The following CFAP77 variants were observed in gnomAD, a reference collection of about 807,000 sequenced individuals.
CFAP77 encodes the protein cilia and flagella associated protein 77.
A neutral mutation model predicts 31.1 loss-of-function variants in CFAP77; 25 were observed. The observed-to-expected ratio is 0.80, with a 90% CI of 0.59 to 1.12. CFAP77 has a LOEUF of 1.12. Ranked by LOEUF, CFAP77 falls within the 50% of genes most tolerant of loss-of-function variation. The probability of loss-of-function intolerance (pLI) is 0.00; values close to 1 mark genes in which losing one functional copy is unlikely to be tolerated. For missense variants in CFAP77, 377 were observed against 397.3 expected, an observed-to-expected ratio of 0.95 and a Z score of 0.44; for synonymous variants, 151 against 159.9, an observed-to-expected ratio of 0.94 and a Z score of 0.42.
At chr9:132,439,916 C>T (rs1049025722) in intron 1 of CFAP77, among the ~76,000 whole-genome samples, 4 of 151,652 alleles carry the variant, frequency 2.6e-5, no homozygotes, top group Admixed American at 1.3e-4. Context: ...TCTTATTCCT[C>T]GATCCTATGG....
At position 132,490,251 on chromosome 9, in the gene CFAP77, T is replaced by C. The variant is rs1469345816; in HGVS notation, c.196-8444T>C. Among the ~76,000 whole-genome samples, 1 of 152,132 alleles carries C rather than the reference T, an allele frequency of 6.6e-6. No individual in the cohort carries two copies. The highest frequency in any genetic ancestry group is 2.4e-5 in the African/African-American group (1 of 41,412). On this transcript the variant is annotated intron_variant, in intron 1 of 5. Transcript: ENST00000393216. This position sits in a 1 kb window ranked among gnomAD's most constrained non-coding sequence, Gnocchi z 4.6. ...TAAAGGCCACACCCCTGAATACTGTTGCATTGGGATTAAGTTTCAGCATGA... is the reference window on the plus strand; with the variant it reads ...TAAAGGCCACACCCCTGAATACTGTCGCATTGGGATTAAGTTTCAGCATGA...
At chr9:132,553,984 A>G (rs926428190) in intron 5 of CFAP77, among the ~76,000 whole-genome samples, 2 of 152,238 alleles carry the variant, frequency 1.3e-5, no homozygotes, top group Admixed American at 6.5e-5. Context: ...ACAAGCCACC[A>G]TGTCTTCAAT....
At chr9:132,518,460 C>T (rs1298872442) in intron 3 of CFAP77, among the ~76,000 whole-genome samples, 2 of 152,166 alleles carry the variant, frequency 1.3e-5, no homozygotes, top group African/African-American at 2.4e-5. Context: ...GGCTACTCTG[C>T]ATCCCTGAGC....
intron 1 of CFAP77, among the ~76,000 whole-genome samples, chr9:132,446,397 G>A (rs904041574): frequency 2.0e-5 from 3 of 151,586 alleles, no homozygotes; most frequent in Middle Eastern, 3.4e-3. Context: ...CCGATAGATC[G>A]CGTGTAGTGC....
At chr9:132,448,949 C>T (rs1316678404) in intron 1 of CFAP77, among the ~76,000 whole-genome samples, 1 of 152,032 alleles carries the variant, frequency 6.6e-6, no homozygotes, top group Non-Finnish European at 1.5e-5. Context: ...AAGGACCGTG[C>T]CTCTAGAATA....
intron 3 of CFAP77, among the ~76,000 whole-genome samples, chr9:132,510,746 G>A (rs916852958): frequency 2.0e-5 from 3 of 152,162 alleles, no homozygotes; most frequent in East Asian, 1.9e-4. Flanking sequence ...CATCAGTCCC[G>A]TCGGAGGCCA....
intron 1 of CFAP77, among the ~76,000 whole-genome samples, chr9:132,416,329 A>ATTTTTTTTTTTTTTTTTTTTTTTTT (rs71503303): frequency 1.7e-5 from 1 of 60,274 alleles, no homozygotes; most frequent in Admixed American, 2.7e-4. Context: ...TTCTTATCTG[A>ATTTTTTTTTTTTTTTTTTTTTTTTT]TTTTTTTTTT....
intron 5 of CFAP77, among the ~76,000 whole-genome samples, chr9:132,555,989 C>A (rs1249260234): frequency 6.6e-6 from 1 of 151,946 alleles, no homozygotes. Flanking sequence ...ACTCAGGTTC[C>A]GCGCACAGAT....
chr9:132,473,975 G>A (rs1172042350), intron 1 of CFAP77, among the ~76,000 whole-genome samples: 3 of 152,262 alleles, frequency 2.0e-5, no homozygotes, highest in East Asian at 3.9e-4. Context: ...GAGCCACCGC[G>A]CCTGGGCTGA....
chr9:132,539,230 G>A lies in CFAP77; in HGVS notation c.630+1524G>A, dbSNP rs1230011958. Reference sequence around the variant, plus strand: ...GATGGTAAAATCAGAATCACTCTATGTTCACACAGTACTTTATAGACTTCA... The same window carrying A: ...GATGGTAAAATCAGAATCACTCTATATTCACACAGTACTTTATAGACTTCA... On this transcript the variant is annotated intron_variant, in intron 4 of 5. Transcript: ENST00000393216. The surrounding 1 kb of genome is among the most constrained non-coding windows in gnomAD (Gnocchi z 4.3). Among the ~76,000 whole-genome samples the A allele has an allele frequency of 6.6e-6, 1 of 152,212 alleles. No individual in the cohort carries two copies. Among genetic ancestry groups the A allele is most frequent in the African/African-American group, 2.4e-5 (1 of 41,438 alleles).
intron 1 of CFAP77, among the ~76,000 whole-genome samples, chr9:132,439,772 C>A (rs1036787976): frequency 2.0e-5 from 3 of 151,290 alleles, no homozygotes; most frequent in Non-Finnish European, 4.4e-5. Flanking sequence ...TGGCGTGAAC[C>A]CGGGAGGCGG....
chr9:132,494,240 A>G (rs1012125536), intron 1 of CFAP77, among the ~76,000 whole-genome samples: 14 of 152,114 alleles, frequency 9.2e-5, no homozygotes, highest in Non-Finnish European at 7.4e-5. Flanking sequence ...CTCTGTGGGC[A>G]CTGTTGGCAT....
chr9:132,487,788 C>G (rs1001912425), intron 1 of CFAP77, among the ~76,000 whole-genome samples: 1 of 152,048 alleles, frequency 6.6e-6, no homozygotes, highest in Admixed American at 6.6e-5. Flanking sequence ...CATTGGGCTT[C>G]TAAGAGGATG....
intron 5 of CFAP77, among the ~76,000 whole-genome samples, chr9:132,557,393 A>C (rs1200088085): frequency 1.3e-5 from 2 of 152,164 alleles, no homozygotes; most frequent in Non-Finnish European, 2.9e-5. Flanking sequence ...CCCAGTGCGC[A>C]CCGAAGTCGG....
chr9:132,561,060 G>A lies in CFAP77; in HGVS notation c.733-11328G>A, dbSNP rs187121812. On this transcript the variant is annotated intron_variant, in intron 5 of 5. Transcript: ENST00000393216. ...TGTTACCCTTGTTAATTACTTAAAC[G>A]ACAACCTGCTACATCAGAGCTGAGG... Among the ~76,000 whole-genome samples the A allele has an allele frequency of 2.7e-3, 414 of 152,170 alleles. 7 individuals carry two copies. The highest frequency in any genetic ancestry group is 2.1e-3 in the East Asian group (11 of 5,176).
intron 1 of CFAP77, among the ~76,000 whole-genome samples, chr9:132,422,736 G>C (rs1463490765): frequency 1.3e-5 from 2 of 152,192 alleles, no homozygotes; most frequent in South Asian, 4.1e-4. Context: ...AAAGGGCTGA[G>C]AGACAGGTCC....
chr9:132,507,458 C>A (rs896300119), intron 3 of CFAP77, among the ~76,000 whole-genome samples: 1 of 152,172 alleles, frequency 6.6e-6, no homozygotes, highest in Non-Finnish European at 1.5e-5. Flanking sequence ...TGCTGCTGGC[C>A]CAGCCTTCTG....
intron 1 of CFAP77, among the ~76,000 whole-genome samples, chr9:132,474,866 AT>A (rs1851325752): frequency 6.6e-6 from 1 of 152,192 alleles, no homozygotes; most frequent in African/African-American, 2.4e-5. Flanking sequence ...CAAATTTTAT[AT>A]CCCTGACCCT....
intron 3 of CFAP77, among the ~76,000 whole-genome samples, chr9:132,510,793 C>T (rs994534204): frequency 1.3e-5 from 2 of 152,150 alleles, no homozygotes; most frequent in African/African-American, 4.8e-5. Flanking sequence ...ACCGCTGGAG[C>T]CTTGCATTCG....
Sources: gnomAD v4.1 joint callset for allele counts (sites outside exome capture counted in the v4.1 genomes callset) on GRCh38, gnomAD v4.1.1 for gene constraint, Gnocchi (gnomAD v3.1) non-coding constraint, MANE v1.5 for transcripts, NCBI Gene and HGNC (gene_info 2026-07-23, HGNC 2026-07-21) for gene names.